The following WDR59 variants were observed in gnomAD, a reference collection of about 807,000 sequenced individuals.
WDR59 encodes the protein GATOR2 complex protein WDR59.
WDR59 carries 100 observed loss-of-function variants against 131.2 expected under a neutral mutation model. That is an observed-to-expected ratio of 0.76 (90% confidence interval 0.65 to 0.90). The LOEUF (loss-of-function observed/expected upper bound fraction) is 0.90. Among genes scored for constraint, WDR59 ranks in the 40% least tolerant of loss-of-function variants. The pLI is 0.00. For synonymous variants in WDR59, 601 were observed against 466.2 expected, an observed-to-expected ratio of 1.29 and a Z score of -3.72; for missense variants, 1,203 against 1,262.2, an observed-to-expected ratio of 0.95 and a Z score of 0.71.
At chr16:74,970,515 A>AAAAAAAC (rs2033940463) in intron 1 of WDR59, among the ~76,000 whole-genome samples, 1 of 109,656 alleles carries the variant, frequency 9.1e-6, no homozygotes, top group Non-Finnish European at 1.9e-5. Context: ...AAAAAAAAAA[A>AAAAAAAC]AAAAAAAAAA....
chr16:74,900,503 C>A (rs1965502235), intron 18 of WDR59, among the ~76,000 whole-genome samples: 1 of 152,128 alleles, frequency 6.6e-6, no homozygotes, highest in Non-Finnish European at 1.5e-5. Context: ...TGGGAGGTTG[C>A]AACAATGTTT....
intron 8 of WDR59, among the ~76,000 whole-genome samples, chr16:74,927,717 C>CAA (rs1555562477): frequency 4.1e-5 from 6 of 146,314 alleles, no homozygotes; most frequent in Non-Finnish European, 7.5e-5. Flanking sequence ...CACACACACA[C>CAA]AAAACTCAGC....
At chr16:74,942,673 A>C in intron 7 of WDR59, 65 bp downstream of exon 7, 1 of 1,547,082 alleles carries the variant, frequency 6.5e-7, no homozygotes, top group Non-Finnish European at 8.9e-7. Context: ...GGCACTCATA[A>C]AATCATCTTC....
chr16:74,919,439 T>C (rs570157887), intron 10 of WDR59, among the ~76,000 whole-genome samples: 1 of 151,984 alleles, frequency 6.6e-6, no homozygotes, highest in East Asian at 1.9e-4. Context: ...TTCAGGAAAT[T>C]CTCCTGCCTC....
chr16:74,901,796 ATTATCGACCT>A (rs1965566742), intron 18 of WDR59, among the ~76,000 whole-genome samples: 1 of 152,170 alleles, frequency 6.6e-6, no homozygotes, highest in African/African-American at 2.4e-5. Context: ...CTCCTCAAGG[ATTATCGACCT>A]TTGTAAGGGA....
chr16:74,888,036 T>A, intron 22 of WDR59, 133 bp downstream of exon 22: 1 of 1,203,226 alleles, frequency 8.3e-7, no homozygotes. Flanking sequence ...GAGAATTGCT[T>A]GAACCCAGGA....
intron 7 of WDR59, among the ~76,000 whole-genome samples, chr16:74,940,191 C>T (rs2032104552): frequency 6.6e-6 from 1 of 152,008 alleles, no homozygotes; most frequent in South Asian, 2.1e-4. Flanking sequence ...CCAGCCTGAC[C>T]AACACGGTGA....
intron 13 of WDR59, among the ~76,000 whole-genome samples, chr16:74,912,815 G>A (rs1320576371): frequency 6.6e-6 from 1 of 152,178 alleles, no homozygotes; most frequent in African/African-American, 2.4e-5. Context: ...CAAAGGGATG[G>A]GCTGAAATAA....
At chr16:74,968,283 G>A (rs917783097) in intron 1 of WDR59, among the ~76,000 whole-genome samples, 7 of 152,194 alleles carry the variant, frequency 4.6e-5, no homozygotes, top group African/African-American at 1.7e-4. Flanking sequence ...GATTAAAAGG[G>A]TGAGAGATTC....
At chr16:74,886,866 T>A (rs1184366105) in intron 23 of WDR59, among the ~76,000 whole-genome samples, 2 of 152,040 alleles carry the variant, frequency 1.3e-5, no homozygotes, top group African/African-American at 4.8e-5. Flanking sequence ...GAGGGGGCAG[T>A]GAGCCGAGAT....
At chr16:74,967,551 A>C (rs1474637391) in intron 1 of WDR59, among the ~76,000 whole-genome samples, 4 of 152,166 alleles carry the variant, frequency 2.6e-5, no homozygotes, top group Admixed American at 2.0e-4. Context: ...TTAAGGTCCC[A>C]ATCAATTGAC....
chr16:74,960,966 A>C (rs1483501638), intron 2 of WDR59, among the ~76,000 whole-genome samples: 1 of 152,042 alleles, frequency 6.6e-6, no homozygotes, highest in African/African-American at 2.4e-5. Flanking sequence ...TATTTACTTA[A>C]GTTTACCACA....
chr16:74,901,418 A>C (rs1965544160), intron 18 of WDR59, among the ~76,000 whole-genome samples: 1 of 152,118 alleles, frequency 6.6e-6, no homozygotes, highest in Non-Finnish European at 1.5e-5. Flanking sequence ...CTAAAAATGA[A>C]GACCTAAACA....
chr16:74,888,090 C>G, intron 22 of WDR59, 79 bp downstream of exon 22: 1 of 1,473,938 alleles, frequency 6.8e-7, no homozygotes, highest in Non-Finnish European at 9.0e-7. Flanking sequence ...TGCACTCCAG[C>G]CTGGGCAACA....
rs1965674445 is a variant in WDR59, at chr16:74,903,868, C to G, written c.1866+79G>C. 4.0e-6 allele frequency: 6 copies of G among 1,493,740 alleles called. No individual in the cohort carries two copies. The Admixed American group carries it at 1.3e-4, about 32-fold the overall frequency. 92.5% of individuals were successfully genotyped at this position (1,493,740 alleles called of 1,614,324 possible). ...GGCTACAGGGTGATTACTAATCTAG[C>G]TGCTGCGCCAGGCAGGAGATGAGGA... On this transcript the variant is annotated intron_variant, in intron 18 of 25. Coordinates refer to ENST00000262144, the MANE Select transcript of WDR59 (RefSeq NM_030581.4).
chr16:74,908,570 T>C (rs1038602895), intron 17 of WDR59, among the ~76,000 whole-genome samples: 2 of 152,236 alleles, frequency 1.3e-5, no homozygotes, highest in Non-Finnish European at 2.9e-5. Context: ...TCCAGTTTTA[T>C]TTAATGTTAG....
chr16:74,924,135 C>A lies in WDR59; in HGVS notation c.652-132G>T, dbSNP rs1005733583. 1.4e-5 allele frequency: 11 copies of A among 803,894 alleles called. No homozygotes were observed. The African/African-American group carries it at 1.7e-4, about 13-fold the overall frequency. The allele number at this position is 803,894 out of a possible 1,614,324, so 49.8% of individuals were successfully genotyped here. On this transcript the variant is annotated intron_variant, in intron 8 of 25. Coordinates refer to ENST00000262144, the MANE Select transcript of WDR59 (RefSeq NM_030581.4). ...CTTCAACAACATATTTTTAGTTCAG[C>A]TCCTATAACCACGCACTGTGACAGA...
At chr16:74,942,681 TTCACA>T in intron 7 of WDR59, 52 bp downstream of exon 7, 1 of 1,571,450 alleles carries the variant, frequency 6.4e-7, no homozygotes, top group South Asian at 1.1e-5. Context: ...TAAAATCATC[TTCACA>T]CCCTCTGGGA....
chr16:74,958,077 G>C (rs976972334), intron 2 of WDR59, among the ~76,000 whole-genome samples: 5 of 152,204 alleles, frequency 3.3e-5, no homozygotes, highest in Non-Finnish European at 7.3e-5. Context: ...TACATGTGAG[G>C]TGAGTATCAA....
Sources: gnomAD v4.1 joint callset for allele counts (sites outside exome capture counted in the v4.1 genomes callset) on GRCh38, gnomAD v4.1.1 for gene constraint, MANE v1.5 for transcripts, NCBI Gene and HGNC (gene_info 2026-07-23, HGNC 2026-07-21) for gene names.